The following ENOX1 variants were observed in gnomAD, a reference collection of about 807,000 sequenced individuals.
ENOX1 encodes candidate growth-related and time keeping constitutive hydroquinone (NADH) oxidase.
A neutral mutation model predicts 82.5 loss-of-function variants in ENOX1; 42 were observed. The observed-to-expected ratio is 0.51, with a 90% CI of 0.40 to 0.66. ENOX1 has a LOEUF of 0.66. ENOX1 is among the 30% of genes least tolerant of loss of function. The pLI is 0.00. For synonymous variants in ENOX1, 271 were observed against 282.2 expected, an observed-to-expected ratio of 0.96 and a Z score of 0.40; for missense variants, 608 against 811.6, an observed-to-expected ratio of 0.75 and a Z score of 3.05.
chr13:43,572,941 T>C (rs914294477), intron 2 of ENOX1, among the ~76,000 whole-genome samples: 3 of 152,230 alleles, frequency 2.0e-5, no homozygotes, highest in East Asian at 1.9e-4. Context: ...ATACATATCA[T>C]TGAGTCACTT....
intron 2 of ENOX1, among the ~76,000 whole-genome samples, chr13:43,649,802 G>T (rs1566705755): frequency 6.6e-6 from 1 of 152,080 alleles, no homozygotes. Context: ...TGGCCTCCTA[G>T]CGCTACAGAT....
chr13:43,712,712 T>G (rs995755615), intron 1 of ENOX1, among the ~76,000 whole-genome samples: 33 of 152,332 alleles, frequency 2.2e-4, no homozygotes, highest in East Asian at 3.9e-4. Context: ...GATTTGGCTC[T>G]CTGTTTGTTA....
intron 11 of ENOX1, among the ~76,000 whole-genome samples, chr13:43,314,810 C>A (rs1260710861): frequency 6.6e-6 from 1 of 152,176 alleles, no homozygotes; most frequent in East Asian, 1.9e-4. Flanking sequence ...TTCAAGGGAC[C>A]TAAAAGATGC....
chr13:43,512,923 G>T (rs1366256730), intron 2 of ENOX1, among the ~76,000 whole-genome samples: 1 of 152,092 alleles, frequency 6.6e-6, no homozygotes, highest in African/African-American at 2.4e-5. Flanking sequence ...TATTGGGTTA[G>T]ATGCCAGAGA....
At chr13:43,647,925 T>C (rs1566702592) in intron 2 of ENOX1, among the ~76,000 whole-genome samples, 1 of 152,164 alleles carries the variant, frequency 6.6e-6, no homozygotes, top group East Asian at 1.9e-4. Flanking sequence ...GACCCACCAT[T>C]GCTGGCTTTG....
At chr13:43,264,948 A>G (rs182591656) in intron 14 of ENOX1, among the ~76,000 whole-genome samples, 7 of 152,352 alleles carry the variant, frequency 4.6e-5, no homozygotes, top group African/African-American at 1.7e-4. Flanking sequence ...ACAGAGAAGG[A>G]GTACATTTCA....
chr13:43,240,187 GC>G (rs1318619326), intron 14 of ENOX1, among the ~76,000 whole-genome samples: 2 of 152,148 alleles, frequency 1.3e-5, no homozygotes, highest in African/African-American at 4.8e-5. Context: ...TTTACTTTCA[GC>G]CACCAAATAA....
intron 2 of ENOX1, among the ~76,000 whole-genome samples, chr13:43,616,122 ATAGATATCTATCTATC>A (rs1244773519): frequency 1.0e-3 from 85 of 83,904 alleles, no homozygotes; most frequent in African/African-American, 4.1e-3. Context: ...CTATAGATCT[ATAGATATCTATCTATC>A]TAGATATCTA....
At chr13:43,597,190 AG>A (rs2081510694) in intron 2 of ENOX1, among the ~76,000 whole-genome samples, 1 of 152,168 alleles carries the variant, frequency 6.6e-6, no homozygotes, top group African/African-American at 2.4e-5. Context: ...AGAAGAGCAA[AG>A]GGGAAGTCTG....
At chr13:43,572,219 C>T (rs778367109) in intron 2 of ENOX1, among the ~76,000 whole-genome samples, 3 of 152,146 alleles carry the variant, frequency 2.0e-5, no homozygotes, top group Non-Finnish European at 4.4e-5. Flanking sequence ...AACCCCTTCC[C>T]TCATTAGATT....
chr13:43,273,172 T>G (rs920883), intron 12 of ENOX1, among the ~76,000 whole-genome samples: 1 of 152,162 alleles, frequency 6.6e-6, no homozygotes, highest in Non-Finnish European at 1.5e-5. Context: ...TAAACGTCTT[T>G]CCCTGGTAAC....
chr13:43,716,740 T>C (rs2088164000), intron 1 of ENOX1, among the ~76,000 whole-genome samples: 1 of 151,728 alleles, frequency 6.6e-6, no homozygotes, highest in South Asian at 2.1e-4. Context: ...AGCTATAACA[T>C]TCTAGCTGAG....
At chr13:43,574,363 T>C (rs1479637474) in intron 2 of ENOX1, among the ~76,000 whole-genome samples, 2 of 152,234 alleles carry the variant, frequency 1.3e-5, no homozygotes, top group East Asian at 3.9e-4. Context: ...CCCGTCCAAT[T>C]AGTAAAAGTG....
intron 5 of ENOX1, among the ~76,000 whole-genome samples, chr13:43,395,410 GGA>G (rs982034483): frequency 2.0e-4 from 31 of 152,218 alleles, no homozygotes; most frequent in African/African-American, 7.5e-4. Context: ...CAGTTACTCA[GGA>G]GACTGAGGTA....
intron 7 of ENOX1, among the ~76,000 whole-genome samples, chr13:43,357,050 C>T (rs2050202051): frequency 6.6e-6 from 1 of 152,136 alleles, no homozygotes; most frequent in Non-Finnish European, 1.5e-5. Context: ...TGAAACCAGT[C>T]AGCCGGCCTA....
At chr13:43,515,243 C>T (rs2077516940) in intron 2 of ENOX1, among the ~76,000 whole-genome samples, 1 of 152,120 alleles carries the variant, frequency 6.6e-6, no homozygotes, top group Non-Finnish European at 1.5e-5. Context: ...TGCATAAAAT[C>T]GCTGTGGGTG....
At chr13:43,337,726 T>C (rs998837520) in intron 9 of ENOX1, among the ~76,000 whole-genome samples, 2 of 152,064 alleles carry the variant, frequency 1.3e-5, no homozygotes, top group African/African-American at 4.8e-5. Context: ...ATAATATTCT[T>C]AATTTTCATT....
Position 43,359,879 on chromosome 13 carries a change from G to A in ENOX1, c.561C>T (p.Phe187=), listed in dbSNP as rs752109420. 10 of 1,614,034 alleles carry A rather than the reference G, an allele frequency of 6.2e-6. No homozygotes were observed. The highest frequency in any genetic ancestry group is 7.6e-6 in the Non-Finnish European group (9 of 1,180,016). The change falls in exon 7 of 17, where the codon TTC becomes TTT. Residue 187 remains phenylalanine (F), a synonymous_variant. Transcript: ENST00000690772. Reference sequence around the variant, plus strand: ...AAAGGTAAATGGCTTTATCAACCATGAATTCCTCTGCAAAGCGAATGTGAC... The same window carrying A: ...AAAGGTAAATGGCTTTATCAACCATAAATTCCTCTGCAAAGCGAATGTGAC... ...NFCHIRFAEE[F]MVDKAIYLSG...
chr13:43,293,561 G>A (rs1252804582), intron 12 of ENOX1, among the ~76,000 whole-genome samples: 5 of 152,040 alleles, frequency 3.3e-5, no homozygotes, highest in African/African-American at 1.2e-4. Flanking sequence ...ACATTATTAT[G>A]ATCTTGATTT....
Sources: gnomAD v4.1 joint callset for allele counts (sites outside exome capture counted in the v4.1 genomes callset) on GRCh38, gnomAD v4.1.1 for gene constraint, MANE v1.5 for transcripts, NCBI Gene and HGNC (gene_info 2026-07-23, HGNC 2026-07-21) for gene names.